Variants in LRBA observed in about 807,000 individuals in gnomAD.
The protein encoded by LRBA is lipopolysaccharide-responsive and beige-like anchor protein.
A neutral mutation model predicts 330.0 loss-of-function variants in LRBA; 176 were observed. That is an observed-to-expected ratio of 0.53 (90% CI 0.47 to 0.60). The LOEUF (loss-of-function observed/expected upper bound fraction) is 0.60, where lower values mean the gene tolerates loss of function less well. Ranked by LOEUF, LRBA falls within the 20% of genes least tolerant of loss-of-function variation. The probability of loss-of-function intolerance (pLI) is 0.00; values close to 1 mark genes in which losing one functional copy is unlikely to be tolerated. For synonymous variants in LRBA, 1,230 were observed against 1,193.0 expected (o/e 1.03, Z -0.64); for missense variants, 3,259 against 3,444.8 (o/e 0.95, Z 1.35).
At chr4:150,876,024 T>G (rs1753991524) in intron 17 of LRBA, among the ~76,000 whole-genome samples, 1 of 152,104 alleles carries the variant, frequency 6.6e-6, no homozygotes, top group South Asian at 2.1e-4. Flanking sequence ...TTAAACATCT[T>G]AAAAAGAAAT....
At chr4:150,403,540 T>A (rs1745778010) in intron 47 of LRBA, among the ~76,000 whole-genome samples, 1 of 152,138 alleles carries the variant, frequency 6.6e-6, no homozygotes, top group South Asian at 2.1e-4. Context: ...CTCTTTCTTC[T>A]TCTTCTTCCC....
chr4:150,721,463 G>A (rs1474907243), intron 36 of LRBA: 5 of 279,364 alleles, frequency 1.8e-5, no homozygotes, highest in Non-Finnish European at 3.5e-5. Flanking sequence ...AAGTTTTTGT[G>A]ATCATTGACA....
chr4:150,552,134 T>C (rs1291342392), intron 40 of LRBA, among the ~76,000 whole-genome samples: 2 of 152,092 alleles, frequency 1.3e-5, no homozygotes, highest in Admixed American at 6.6e-5. Context: ...GCTCAGGTGG[T>C]AATACTCCCT....
intron 35 of LRBA, among the ~76,000 whole-genome samples, chr4:150,737,749 T>C (rs554336671): frequency 8.1e-4 from 124 of 152,224 alleles, no homozygotes; most frequent in Middle Eastern, 3.4e-3. Flanking sequence ...CCAAGGAAGA[T>C]TGACTATTGT....
intron 36 of LRBA, among the ~76,000 whole-genome samples, chr4:150,731,748 A>C (rs1730489034): frequency 1.3e-5 from 2 of 152,166 alleles, no homozygotes; most frequent in Admixed American, 6.6e-5. Flanking sequence ...TATAAAAAAA[A>C]CAGAACAAAT....
intron 4 of LRBA, among the ~76,000 whole-genome samples, chr4:150,928,297 G>T (rs1283863139): frequency 6.6e-6 from 1 of 152,118 alleles, no homozygotes; most frequent in Non-Finnish European, 1.5e-5. Flanking sequence ...TTTTGAAGAA[G>T]AATTAAATTA....
At chr4:150,270,221 C>T (rs996175974) in intron 56 of LRBA, among the ~76,000 whole-genome samples, 1 of 152,046 alleles carries the variant, frequency 6.6e-6, no homozygotes, top group Non-Finnish European at 1.5e-5. Context: ...GGGCATACAC[C>T]CAAAAGGACT....
chr4:150,998,644 C>T (rs1218721221), intron 2 of LRBA, among the ~76,000 whole-genome samples: 2 of 152,068 alleles, frequency 1.3e-5, no homozygotes, highest in Non-Finnish European at 2.9e-5. Flanking sequence ...CATGAGCAAC[C>T]GCACCCGGCA....
intron 36 of LRBA, among the ~76,000 whole-genome samples, chr4:150,704,707 T>G (rs1281845787): frequency 6.6e-6 from 1 of 152,164 alleles, no homozygotes; most frequent in Admixed American, 6.6e-5. Context: ...GAATTTATAT[T>G]TTTTGTGATT....
At chr4:150,962,990 T>G (rs1561063162) in intron 2 of LRBA, among the ~76,000 whole-genome samples, 1 of 123,784 alleles carries the variant, frequency 8.1e-6, no homozygotes, top group East Asian at 2.2e-4. Context: ...GAAATAAAAA[T>G]AAATAAAATA....
chr4:150,690,405 A>G (rs1249249898), intron 36 of LRBA, among the ~76,000 whole-genome samples: 1 of 151,750 alleles, frequency 6.6e-6, no homozygotes, highest in African/African-American at 2.4e-5. Context: ...CAGGAGGCTG[A>G]GGCAGGAGAA....
At chr4:150,971,005 C>G (rs1308806516) in intron 2 of LRBA, among the ~76,000 whole-genome samples, 2 of 152,028 alleles carry the variant, frequency 1.3e-5, no homozygotes, top group Non-Finnish European at 2.9e-5. Flanking sequence ...ACTGACAGAC[C>G]TGAGTCAAAC....
In LRBA at chr4:150,460,778, C is replaced by A. The variant is rs148177673; in HGVS notation, c.6780+6895G>T. On this transcript the variant is annotated intron_variant, in intron 44 of 56. Transcript: ENST00000651943. ...AAGATGAAAAACAGATTTTTCTTTACCTTGTTCCTCAAACTCTCTATTTTC... is the reference window on the plus strand; with the variant it reads ...AAGATGAAAAACAGATTTTTCTTTAACTTGTTCCTCAAACTCTCTATTTTC... 5.9e-3 allele frequency among the ~76,000 whole-genome samples: 891 copies of A among 151,836 alleles called. 10 individuals carry two copies. The highest frequency in any genetic ancestry group is 0.02 in the African/African-American group (843 of 41,492).
intron 42 of LRBA, among the ~76,000 whole-genome samples, chr4:150,482,172 A>G (rs1374155785): frequency 6.6e-6 from 1 of 152,088 alleles, no homozygotes; most frequent in African/African-American, 2.4e-5. Flanking sequence ...AGTTCCTTTT[A>G]TTCTCCCTTG....
intron 40 of LRBA, among the ~76,000 whole-genome samples, chr4:150,502,694 A>AGACAGTGGGTGCAG (rs1300352963): frequency 1.3e-5 from 2 of 152,224 alleles, no homozygotes; most frequent in African/African-American, 4.8e-5. Context: ...GGGGTGTGCC[A>AGACAGTGGGTGCAG]GACAGTGGGT....
intron 36 of LRBA, among the ~76,000 whole-genome samples, chr4:150,729,623 C>T (rs1730171919): frequency 6.6e-6 from 1 of 152,076 alleles, no homozygotes; most frequent in Non-Finnish European, 1.5e-5. Context: ...TAATGACATT[C>T]TTCAAAGAAA....
At chr4:150,508,918 A>G (rs971787599) in intron 40 of LRBA, among the ~76,000 whole-genome samples, 7 of 152,242 alleles carry the variant, frequency 4.6e-5, no homozygotes, top group Non-Finnish European at 5.9e-5. Context: ...TACGAAAAGC[A>G]TATTTTGGGC....
At chr4:150,742,142 T>TTA (rs201792468) in intron 35 of LRBA, among the ~76,000 whole-genome samples, 704 of 38,748 alleles carry the variant, frequency 0.018, 15 homozygotes, top group African/African-American at 0.035. Flanking sequence ...ATTATTATTA[T>TTA]TATTATTATT....
intron 40 of LRBA, among the ~76,000 whole-genome samples, chr4:150,509,423 C>T (rs768598256): frequency 1.3e-5 from 2 of 151,864 alleles, no homozygotes; most frequent in Non-Finnish European, 2.9e-5. Context: ...GGGAAATTTA[C>T]AGCACTAAAT....
Sources: allele counts gnomAD v4.1 joint callset (sites outside exome capture counted in the v4.1 genomes callset), GRCh38; gene constraint gnomAD v4.1.1; transcripts MANE v1.5; gene names NCBI Gene and HGNC (gene_info 2026-07-23, HGNC 2026-07-21).